Variants in NFATC2 observed in about 807,000 individuals in gnomAD.
The protein encoded by NFATC2 is nuclear factor of activated T-cells, cytoplasmic 2.
NFATC2 carries 22 observed loss-of-function variants against 87.3 expected under a neutral mutation model. That is an observed-to-expected ratio of 0.25 (90% CI 0.18 to 0.36). The LOEUF (loss-of-function observed/expected upper bound fraction) is 0.36. NFATC2 is among the 10% of genes least tolerant of loss of function. NFATC2 has a pLI of 1.00. For missense variants in NFATC2, 1,149 were observed against 1,259.1 expected (o/e 0.91, Z 1.32); for synonymous variants, 565 against 542.2 (o/e 1.04, Z -0.58).
intron 1 of NFATC2, among the ~76,000 whole-genome samples, chr20:51,549,275 T>C (rs2076913845): frequency 1.3e-5 from 2 of 152,098 alleles, no homozygotes; most frequent in South Asian, 4.1e-4. Flanking sequence ...TGTTTGTTTG[T>C]TTGTTTGTTT....
intron 2 of NFATC2, among the ~76,000 whole-genome samples, chr20:51,522,645 T>C (rs992151321): frequency 3.3e-5 from 5 of 151,990 alleles, no homozygotes; most frequent in Admixed American, 1.3e-4. Flanking sequence ...CTTCCTCTTA[T>C]AATGAGATAG....
rs541251947 is a variant in NFATC2 at position 51,523,510 on chromosome 20, C to A, written c.731G>T (p.Arg244Leu). 1 of 1,612,992 alleles carries A rather than the reference C, an allele frequency of 6.2e-7. No individual in the cohort carries two copies. Among genetic ancestry groups the A allele is most frequent in the Admixed American group, 1.7e-5 (1 of 59,858 alleles). The part of the protein sequence containing the change: ...RHSPVPRPAS[R>L]SSSPGAKRRH... ...CCGCTTGGCACCAGGCGATGAGGAG[C>A]GGGAGGCCGGACGGGGCACGGGCGA... Residue 244 changes from arginine to leucine, a missense_variant, in exon 2 of 11, where the codon CGC becomes CTC. Transcript: ENST00000371564. This position sits in a 1 kb window ranked among gnomAD's most constrained non-coding sequence, Gnocchi z 6.9.
intron 9 of NFATC2, chr20:51,399,301 G>A (rs1479395960): frequency 6.5e-6 from 1 of 153,070 alleles, no homozygotes; most frequent in Non-Finnish European, 1.5e-5. Flanking sequence ...ATGAGACCTG[G>A]GGAGTCTATT....
Position 51,398,660 on chromosome 20 carries a change from C to T in NFATC2, c.*27G>A, listed in dbSNP as rs770396575. 4.1e-5 allele frequency: 66 copies of T among 1,607,382 alleles called. No individual in the cohort carries two copies. In the South Asian group the frequency reaches 5.3e-4, roughly 13 times the overall value. On this transcript the variant is annotated 3_prime_UTR_variant, in exon 10 of 11. Transcript: ENST00000371564. ...TCGATTACCTTTAACTTTGATTTCT[C>T]GGATCAAAGATCACAGTCATTCTGT...
intron 9 of NFATC2, among the ~76,000 whole-genome samples, chr20:51,420,013 CAAA>C (rs11318467): frequency 4.9e-5 from 7 of 143,314 alleles, no homozygotes; most frequent in Admixed American, 6.9e-5. Flanking sequence ...ATAATGGTAC[CAAA>C]AAAAAAAAAA....
chr20:51,428,230 T>G (rs754950984), intron 9 of NFATC2, among the ~76,000 whole-genome samples: 2 of 151,908 alleles, frequency 1.3e-5, no homozygotes, highest in Non-Finnish European at 2.9e-5. Flanking sequence ...CAGGTACAAT[T>G]TGGGGCCTTA....
rs374087304 is a variant in NFATC2 at position 51,553,926 on chromosome 20, T to C, written c.70+8634A>G. Among the ~76,000 whole-genome samples the C allele has an allele frequency of 6.6e-5, 10 of 152,000 alleles. 1 individual carries two copies. Among genetic ancestry groups the C allele is most frequent in the Admixed American group, 2.0e-4 (3 of 15,252 alleles). On this transcript the variant is annotated intron_variant, in intron 1 of 10. Transcript: ENST00000414705. ...TGTACCTGTCACCGTCGGCCCACTG[T>C]CCCCCCTCAGTCACCCAAGCTGTCT...
intron 6 of NFATC2, among the ~76,000 whole-genome samples, chr20:51,443,173 C>CA (rs1555877920): frequency 6.6e-6 from 1 of 152,030 alleles, no homozygotes; most frequent in African/African-American, 2.4e-5. Flanking sequence ...GGAGACCCCC[C>CA]CTTCATCCTA....
At chr20:51,540,647 G>GTTTTTTGTTTTTTTTTT (rs1555818252) in intron 1 of NFATC2, among the ~76,000 whole-genome samples, 1 of 112,974 alleles carries the variant, frequency 8.9e-6, no homozygotes, top group Non-Finnish European at 1.7e-5. Flanking sequence ...AAAAACTGAA[G>GTTTTTTGTTTTTTTTTT]TTTTTTTTTT....
rs190282247 is a variant in NFATC2 at position 51,550,828 on chromosome 20, G to A, written c.70+11732C>T. On this transcript the variant is annotated intron_variant, in intron 1 of 10. Coordinates refer to the NFATC2 transcript ENST00000414705. The stretch of plus-strand genomic sequence containing the variant: ...AAGAGAAAAACAGAATGGTTTATGG[G>A]TACCCAAAGTACAGTTTCTACTGAA... Among the ~76,000 whole-genome samples, 800 of 152,182 alleles carry A rather than the reference G, an allele frequency of 5.3e-3. 6 individuals carry two copies. Among genetic ancestry groups the A allele is most frequent in the African/African-American group, 0.018 (757 of 41,496 alleles).
At chr20:51,414,065 T>C (rs1265225250) in intron 9 of NFATC2, among the ~76,000 whole-genome samples, 2 of 152,188 alleles carry the variant, frequency 1.3e-5, no homozygotes, top group African/African-American at 4.8e-5. Context: ...TCATGCCTGG[T>C]TATTCATTCG....
intron 9 of NFATC2, among the ~76,000 whole-genome samples, chr20:51,424,746 G>A (rs1218558520): frequency 4.6e-5 from 7 of 152,100 alleles, no homozygotes; most frequent in Non-Finnish European, 1.0e-4. Context: ...CAAGTGATAC[G>A]GAAGTTTCCA....
chr20:51,545,220 C>T (rs778286231), upstream of NFATC2, among the ~76,000 whole-genome samples: 5 of 152,170 alleles, frequency 3.3e-5, no homozygotes, highest in Non-Finnish European at 7.4e-5. Flanking sequence ...CTTTCTCGTC[C>T]CTCCATCCCA....
At chr20:51,515,076 G>A (rs1393385715) in intron 3 of NFATC2, among the ~76,000 whole-genome samples, 2 of 152,198 alleles carry the variant, frequency 1.3e-5, no homozygotes, top group Non-Finnish European at 2.9e-5. Flanking sequence ...GAGGATTCCT[G>A]AAATAATCCT....
Position 51,435,169 on chromosome 20 carries a change from C to CAT in NFATC2, c.2032+17_2032+18dup. The CAT allele has an allele frequency of 6.2e-7, 1 of 1,613,442 alleles. No individual in the cohort carries two copies. Among genetic ancestry groups the CAT allele is most frequent in the South Asian group, 1.1e-5 (1 of 90,948 alleles). On this transcript the variant is annotated intron_variant, in intron 8 of 10. Transcript: ENST00000371564. ...TACTGCCTCTCAATAACAAAGGGGT[C>CAT]ATCAGAAACACTCCTTACCTGGGTG...
intron 9 of NFATC2, among the ~76,000 whole-genome samples, chr20:51,416,048 T>C (rs4811173): frequency 2.0e-5 from 3 of 151,980 alleles, no homozygotes; most frequent in African/African-American, 2.4e-5. Flanking sequence ...GATCACTTGA[T>C]GTCAGGAGTT....
chr20:51,435,166 G>T, intron 8 of NFATC2, 22 bp downstream of exon 8: 1 of 1,613,498 alleles, frequency 6.2e-7, no homozygotes, highest in East Asian at 2.2e-5. Context: ...ATAACAAAGG[G>T]GTCATCAGAA....
intron 2 of NFATC2, among the ~76,000 whole-genome samples, chr20:51,518,137 C>T (rs75831671): frequency 0.011 from 1,618 of 152,296 alleles, 18 homozygotes; most frequent in African/African-American, 0.037. Flanking sequence ...GTGTGAGCAA[C>T]TTCTCAATTA....
At chr20:51,552,935 A>G (rs961637942) in intron 1 of NFATC2, among the ~76,000 whole-genome samples, 2 of 152,082 alleles carry the variant, frequency 1.3e-5, no homozygotes, top group African/African-American at 4.8e-5. Context: ...TAAGCCCCAC[A>G]TGCATTAGCT....
Sources: allele counts gnomAD v4.1 joint callset (sites outside exome capture counted in the v4.1 genomes callset), GRCh38; gene constraint gnomAD v4.1.1; non-coding constraint Gnocchi (gnomAD v3.1); transcripts MANE v1.5; gene names NCBI Gene and HGNC (gene_info 2026-07-23, HGNC 2026-07-21).